ADAMTSL3: variants seen among roughly 807,000 people sequenced by gnomAD.
The protein encoded by ADAMTSL3 is ADAMTS like 3.
In ADAMTSL3, 128 loss-of-function variants were observed where a neutral mutation model predicts 201.7. That is an observed-to-expected ratio of 0.63 (90% CI 0.55 to 0.73). The LOEUF (loss-of-function observed/expected upper bound fraction) is 0.73, where lower values mean the gene tolerates loss of function less well. Ranked by LOEUF, ADAMTSL3 falls within the 30% of genes least tolerant of loss-of-function variation. ADAMTSL3 has a pLI of 0.00. For missense variants in ADAMTSL3, 1,990 were observed against 2,119.6 expected (o/e 0.94, Z 1.20); for synonymous variants, 738 against 748.4 (o/e 0.99, Z 0.23).
intron 9 of ADAMTSL3, 76 bp downstream of exon 9, chr15:83,871,035 T>C: frequency 6.6e-7 from 1 of 1,508,642 alleles, no homozygotes. Flanking sequence ...TGAGTTTGTT[T>C]AGCAAGAGGT....
chr15:83,704,072 G>T (rs774038016), intron 2 of ADAMTSL3, among the ~76,000 whole-genome samples: 2 of 150,260 alleles, frequency 1.3e-5, no homozygotes, highest in South Asian at 2.1e-4. Flanking sequence ...GCAACAACAA[G>T]ACAAAGTTAA....
At chr15:83,665,332 TG>T (rs1161398680) in intron 2 of ADAMTSL3, among the ~76,000 whole-genome samples, 2 of 152,082 alleles carry the variant, frequency 1.3e-5, no homozygotes, top group African/African-American at 4.8e-5. Context: ...AGGAGTAGTT[TG>T]GGGGACTACA....
chr15:83,970,660 T>G (rs1254366303), intron 20 of ADAMTSL3, 23 bp downstream of exon 20: 1 of 1,611,988 alleles, frequency 6.2e-7, no homozygotes, highest in Non-Finnish European at 8.5e-7. Flanking sequence ...TGTCCGCGCT[T>G]CACCAAGATA....
intron 5 of ADAMTSL3, among the ~76,000 whole-genome samples, chr15:83,816,539 A>C (rs2063774443): frequency 6.6e-6 from 1 of 152,214 alleles, no homozygotes; most frequent in African/African-American, 2.4e-5. Flanking sequence ...CATTGAGCCT[A>C]ATGCAAAGAA....
chr15:83,706,388 A>C (rs2061851541), intron 3 of ADAMTSL3, among the ~76,000 whole-genome samples: 1 of 152,190 alleles, frequency 6.6e-6, no homozygotes, highest in Admixed American at 6.5e-5. Context: ...TCATCCTAGG[A>C]CATAGTGTTC....
intron 7 of ADAMTSL3, among the ~76,000 whole-genome samples, chr15:83,852,249 A>C (rs1325895324): frequency 6.6e-6 from 1 of 151,796 alleles, no homozygotes. Flanking sequence ...AGTAGCTGGG[A>C]TTGTAGGTGC....
At chr15:83,712,304 A>T (rs2061944383) in intron 3 of ADAMTSL3, among the ~76,000 whole-genome samples, 1 of 152,096 alleles carries the variant, frequency 6.6e-6, no homozygotes, top group South Asian at 2.1e-4. Flanking sequence ...CTCATGGTCA[A>T]CAGGACCCCA....
chr15:83,920,689 G>T (rs1456637636), intron 16 of ADAMTSL3, among the ~76,000 whole-genome samples: 1 of 152,138 alleles, frequency 6.6e-6, no homozygotes, highest in Non-Finnish European at 1.5e-5. Context: ...CATTATACGT[G>T]CCCACACTGT....
chr15:83,695,495 G>A (rs973357351), intron 2 of ADAMTSL3, among the ~76,000 whole-genome samples: 2 of 152,010 alleles, frequency 1.3e-5, no homozygotes, highest in African/African-American at 4.8e-5. Context: ...ACCTAGGAGG[G>A]GAGGAGAAGG....
chr15:83,780,431 C>A (rs1186212174), intron 4 of ADAMTSL3, among the ~76,000 whole-genome samples: 8 of 149,388 alleles, frequency 5.4e-5, no homozygotes, highest in Admixed American at 2.0e-4. Flanking sequence ...AAACAAACTT[C>A]TCAATAAAGT....
chr15:84,031,283 C>T (rs1209787705), intron 27 of ADAMTSL3, 52 bp from the exon 28 acceptor site: 3 of 1,557,294 alleles, frequency 1.9e-6, no homozygotes, highest in African/African-American at 2.7e-5. Flanking sequence ...TTAGTACACA[C>T]AGCATGGATG....
chr15:83,827,655 T>G (rs551275713), intron 6 of ADAMTSL3, among the ~76,000 whole-genome samples: 164 of 152,344 alleles, frequency 1.1e-3, no homozygotes, highest in Non-Finnish European at 1.9e-3. Flanking sequence ...GTCTAACATT[T>G]AAGTCTTTAA....
At chr15:83,749,202 C>G (rs1411495414) in intron 3 of ADAMTSL3, among the ~76,000 whole-genome samples, 1 of 152,156 alleles carries the variant, frequency 6.6e-6, no homozygotes, top group Non-Finnish European at 1.5e-5. Flanking sequence ...TGCTGTGCCT[C>G]TCTCACAGTT....
chr15:83,766,937 TACAAAA>T (rs2062901746), intron 3 of ADAMTSL3, among the ~76,000 whole-genome samples: 1 of 151,704 alleles, frequency 6.6e-6, no homozygotes, highest in Non-Finnish European at 1.5e-5. Flanking sequence ...TCTACGAAAA[TACAAAA>T]ACAGGCCGGA....
intron 2 of ADAMTSL3, among the ~76,000 whole-genome samples, chr15:83,688,876 T>C (rs1300809376): frequency 6.6e-6 from 1 of 152,188 alleles, no homozygotes; most frequent in Non-Finnish European, 1.5e-5. Context: ...TGGCATGATC[T>C]TGGCTCACTG....
intron 20 of ADAMTSL3, among the ~76,000 whole-genome samples, chr15:83,982,008 C>A (rs1259159896): frequency 6.6e-5 from 10 of 152,198 alleles, no homozygotes; most frequent in African/African-American, 4.8e-5. Flanking sequence ...CCTCCCCAAA[C>A]CAGGGTTTTA....
At chr15:83,718,451 C>T (rs2141564823) in intron 3 of ADAMTSL3, among the ~76,000 whole-genome samples, 1 of 152,184 alleles carries the variant, frequency 6.6e-6, no homozygotes, top group Admixed American at 6.5e-5. Flanking sequence ...CACCTGCAAT[C>T]CCAGAATTTT....
intron 9 of ADAMTSL3, among the ~76,000 whole-genome samples, chr15:83,876,741 C>G (rs552731668): frequency 6.6e-6 from 1 of 152,282 alleles, no homozygotes; most frequent in Non-Finnish European, 1.5e-5. Flanking sequence ...AAGTGATTCT[C>G]TCACCTCAGC....
intron 3 of ADAMTSL3, among the ~76,000 whole-genome samples, chr15:83,745,042 C>T (rs1310254043): frequency 6.6e-6 from 1 of 152,216 alleles, no homozygotes. Flanking sequence ...CTGCCCTGCC[C>T]CACATCCTGG....
Sources: allele counts gnomAD v4.1 joint callset (sites outside exome capture counted in the v4.1 genomes callset), GRCh38; gene constraint gnomAD v4.1.1; transcripts MANE v1.5; gene names NCBI Gene and HGNC (gene_info 2026-07-23, HGNC 2026-07-21).